The following TCTN2 variants were observed in gnomAD, a reference collection of about 807,000 sequenced individuals.
TCTN2 encodes tectonic-2.
In TCTN2, 66 loss-of-function variants were observed where a neutral mutation model predicts 83.4. The ratio of observed to expected loss-of-function variants is 0.79; its 90% CI spans 0.65 to 0.97. The LOEUF (loss-of-function observed/expected upper bound fraction) is 0.97, where lower values mean the gene tolerates loss of function less well. TCTN2 is among the 50% of genes least tolerant of loss of function. The pLI, the probability that TCTN2 is intolerant of heterozygous loss-of-function variation, is 0.00. For missense variants in TCTN2, 794 were observed against 858.1 expected (o/e 0.93, Z 0.93); for synonymous variants, 301 against 326.7 (o/e 0.92, Z 0.85).
At chr12:123,676,039 G>A (rs1241117812) in intron 4 of TCTN2, among the ~76,000 whole-genome samples, 1 of 152,148 alleles carries the variant, frequency 6.6e-6, no homozygotes, top group Non-Finnish European at 1.5e-5. Flanking sequence ...AACACTTTTA[G>A]AGGCTGAGGT....
At chr12:123,690,381 A>T (rs1956026149) in intron 7 of TCTN2, 152 bp from the exon 8 acceptor site, 4 of 989,108 alleles carry the variant, frequency 4.0e-6, no homozygotes, top group Non-Finnish European at 6.2e-6. Flanking sequence ...TGTTTTGCTA[A>T]AGCGGGTCAA....
intron 5 of TCTN2, among the ~76,000 whole-genome samples, chr12:123,681,300 T>G (rs896182662): frequency 6.6e-6 from 1 of 151,948 alleles, no homozygotes; most frequent in Admixed American, 6.6e-5. Flanking sequence ...TTTCAGTGAT[T>G]TTTAGTAAAT....
chr12:123,692,746 G>A (rs779954472), intron 9 of TCTN2, 23 bp downstream of exon 9: 44 of 1,565,642 alleles, frequency 2.8e-5, no homozygotes, highest in East Asian at 1.6e-4. Flanking sequence ...ACACTTTGAC[G>A]TCATTTCTTC....
At chr12:123,700,976 C>A (rs557220789) in intron 14 of TCTN2, among the ~76,000 whole-genome samples, 1 of 152,096 alleles carries the variant, frequency 6.6e-6, no homozygotes, top group Non-Finnish European at 1.5e-5. Flanking sequence ...AAATAAAATA[C>A]ATTAAAACAA....
In TCTN2 at chr12:123,686,905, A is replaced by T. The variant is rs748166473; in HGVS notation, c.634A>T (p.Asn212Tyr). The T allele has an allele frequency of 6.2e-7, 1 of 1,614,200 alleles. No homozygotes were observed. The highest frequency in any genetic ancestry group is 1.1e-5 in the South Asian group (1 of 91,086). The change falls in exon 6 of 18, where the codon AAT becomes TAT. Residue 212 changes from asparagine (N) to tyrosine (Y), a missense_variant. By Grantham distance (143) the Asn-to-Tyr change is moderately radical (BLOSUM62 -2). Coordinates refer to ENST00000303372, the MANE Select transcript of TCTN2 (RefSeq NM_024809.5). The stretch of plus-strand genomic sequence containing the variant: ...CACCGGCGTGTTTGGAGGAGACGTC[A>T]ATCCTCCTTTTGATCAGCTCTGCTC... ...CFTGVFGGDV[N>Y]PPFDQLCSAG...
At position 123,700,157 on chromosome 12, in the gene TCTN2, G is replaced by A. The variant is rs113421669; in HGVS notation, c.1612+347G>A. Reference sequence around the variant, plus strand: ...CTTCCAAGTAGCTGGAACCACAGGTGTGCGCCACCACATCTGGCTAATTTT... The same window carrying A: ...CTTCCAAGTAGCTGGAACCACAGGTATGCGCCACCACATCTGGCTAATTTT... On this transcript the variant is annotated intron_variant, in intron 14 of 17. Coordinates refer to ENST00000303372, the MANE Select transcript of TCTN2 (RefSeq NM_024809.5). The A allele has an allele frequency of 5.9e-3, 2,396 of 406,094 alleles. 58 individuals are homozygous for A. The highest frequency in any genetic ancestry group is 0.045 in the African/African-American group (2,187 of 48,892). 25.2% of individuals were successfully genotyped at this position (406,094 alleles called of 1,614,324 possible). A position where few individuals can be genotyped will look rare whatever the true frequency, so the allele number is the denominator to read the frequency against.
At chr12:123,703,030 C>G (rs894687172) in intron 14 of TCTN2, among the ~76,000 whole-genome samples, 2 of 152,090 alleles carry the variant, frequency 1.3e-5, no homozygotes, top group African/African-American at 2.4e-5. Context: ...TGGGTTTTCT[C>G]CAAGACGAAT....
At chr12:123,704,116 C>T (rs1373936494) in intron 14 of TCTN2, among the ~76,000 whole-genome samples, 1 of 151,442 alleles carries the variant, frequency 6.6e-6, no homozygotes, top group Non-Finnish European at 1.5e-5. Context: ...ACGCCATTCT[C>T]CTGCCTCAGC....
intron 4 of TCTN2, among the ~76,000 whole-genome samples, chr12:123,674,950 TTGC>T (rs1278815253): frequency 6.6e-6 from 1 of 152,186 alleles, no homozygotes; most frequent in Non-Finnish European, 1.5e-5. Flanking sequence ...CGATCCTGGC[TTGC>T]TGCAGCCTCA....
chr12:123,701,746 A>C (rs1192227485), intron 14 of TCTN2, among the ~76,000 whole-genome samples: 3 of 147,192 alleles, frequency 2.0e-5, no homozygotes, highest in East Asian at 2.0e-4. Flanking sequence ...CCGTCTCACA[A>C]AAAAAAAAAA....
intron 11 of TCTN2, chr12:123,696,101 C>T (rs975262537): frequency 5.7e-6 from 2 of 350,636 alleles, no homozygotes; most frequent in Non-Finnish European, 1.1e-5. Flanking sequence ...ACCTCGGCCT[C>T]CCAAAGTGCT....
intron 14 of TCTN2, among the ~76,000 whole-genome samples, chr12:123,701,126 G>GA (rs761454102): frequency 1.3e-4 from 20 of 152,228 alleles, no homozygotes; most frequent in Admixed American, 3.3e-4. Flanking sequence ...TAAAGTGATT[G>GA]AAAATATTGT....
chr12:123,701,401 T>G (rs7973155), intron 14 of TCTN2, among the ~76,000 whole-genome samples: 54,525 of 151,960 alleles, frequency 0.36, 10,268 homozygotes, highest in African/African-American at 0.41. Flanking sequence ...GTATAGTATG[T>G]GAATTATATC....
At chr12:123,671,988 G>A in intron 2 of TCTN2, 68 bp from the exon 3 acceptor site, 2 of 1,331,052 alleles carry the variant, frequency 1.5e-6, no homozygotes, top group African/African-American at 1.4e-5. Flanking sequence ...ATCCTAGGCA[G>A]TCTGACTCAA....
At chr12:123,684,600 A>G (rs989215340) in intron 5 of TCTN2, among the ~76,000 whole-genome samples, 1 of 151,662 alleles carries the variant, frequency 6.6e-6, no homozygotes, top group African/African-American at 2.4e-5. Flanking sequence ...GAGTTTTGCC[A>G]TGTTCACCAG....
chr12:123,688,067 TCTTC>T lies in TCTN2; in HGVS notation c.785_788del (p.Ser262LeufsTer24). 1 of 1,614,136 alleles carries T rather than the reference TCTTC, an allele frequency of 6.2e-7. No individual in the cohort carries two copies. The highest frequency in any genetic ancestry group is 8.5e-7 in the Non-Finnish European group (1 of 1,179,992). ...GATTTTCAGTTCCCCCAAACAGGACTCTTCCTTTGAAGTATATGTGGATACTGAC... is the reference window on the plus strand; with the variant it reads ...GATTTTCAGTTCCCCCAAACAGGACTCTTTGAAGTATATGTGGATACTGAC... On this transcript the variant is annotated frameshift_variant, in exon 7 of 18. Transcript: ENST00000303372. LOFTEE classifies it high-confidence loss of function.
At chr12:123,695,117 C>A in intron 10 of TCTN2, 103 bp from the exon 11 acceptor site, 1 of 1,423,084 alleles carries the variant, frequency 7.0e-7, no homozygotes, top group Non-Finnish European at 9.9e-7. Context: ...AACGAGAGTA[C>A]ACTTTGTATG....
chr12:123,696,734 A>G, intron 12 of TCTN2: 1 of 559,492 alleles, frequency 1.8e-6, no homozygotes, highest in East Asian at 3.2e-5. Context: ...AGATTGAAAT[A>G]TGAGATTGGC....
At chr12:123,698,413 CATT>C (rs1236654320) in intron 13 of TCTN2, among the ~76,000 whole-genome samples, 2 of 151,108 alleles carry the variant, frequency 1.3e-5, no homozygotes, top group Admixed American at 6.6e-5. Context: ...AGTGGTATCT[CATT>C]GTGGTTTTGA....
Sources: allele counts gnomAD v4.1 joint callset (sites outside exome capture counted in the v4.1 genomes callset), GRCh38; gene constraint gnomAD v4.1.1; transcripts MANE v1.5; gene names NCBI Gene and HGNC (gene_info 2026-07-23, HGNC 2026-07-21).